PPP2R5E: variants seen among roughly 807,000 people sequenced by gnomAD.
PPP2R5E encodes the protein serine/threonine-protein phosphatase 2A 56 kDa regulatory subunit epsilon isoform.
PPP2R5E carries 4 observed loss-of-function variants against 65.3 expected under a neutral mutation model. That is an observed-to-expected ratio of 0.06 (90% CI 0.03 to 0.14). The LOEUF is 0.14. PPP2R5E is among the 10% of genes least tolerant of loss of function. PPP2R5E has a pLI of 1.00. For synonymous variants in PPP2R5E, 183 were observed against 187.4 expected (o/e 0.98, Z 0.19); for missense variants, 274 against 556.1 (o/e 0.49, Z 5.10).
intron 2 of PPP2R5E, among the ~76,000 whole-genome samples, chr14:63,510,247 A>T (rs1594955731): frequency 6.6e-6 from 1 of 152,284 alleles, no homozygotes; most frequent in Admixed American, 6.5e-5. Context: ...CACAGACCTC[A>T]CCTCACTTCT....
At chr14:63,376,818 A>G (rs1299185561) in intron 13 of PPP2R5E, among the ~76,000 whole-genome samples, 1 of 152,220 alleles carries the variant, frequency 6.6e-6, no homozygotes, top group Non-Finnish European at 1.5e-5. Flanking sequence ...CACATTTACT[A>G]AAAATAATTC....
chr14:63,454,028 G>A (rs1304227699), intron 2 of PPP2R5E, 143 bp from the exon 3 acceptor site: 5 of 580,200 alleles, frequency 8.6e-6, no homozygotes, highest in African/African-American at 3.8e-5. Flanking sequence ...TTACACATGG[G>A]TGGGAGGGGA....
chr14:63,464,080 G>T (rs1005442872), intron 2 of PPP2R5E, among the ~76,000 whole-genome samples: 10 of 152,052 alleles, frequency 6.6e-5, no homozygotes, highest in African/African-American at 2.4e-4. Context: ...AAGGTCTAGT[G>T]CAAAGGGAAT....
At chr14:63,477,178 GA>G (rs1890452097) in intron 2 of PPP2R5E, among the ~76,000 whole-genome samples, 1 of 152,016 alleles carries the variant, frequency 6.6e-6, no homozygotes, top group East Asian at 1.9e-4. Flanking sequence ...AAAAAATTAA[GA>G]CAGCATATAA....
At chr14:63,485,399 G>GC (rs1180687929) in intron 2 of PPP2R5E, among the ~76,000 whole-genome samples, 2 of 151,502 alleles carry the variant, frequency 1.3e-5, no homozygotes, top group Admixed American at 1.3e-4. Flanking sequence ...GCCATGGTTT[G>GC]TTTTTTTTGT....
chr14:63,443,003 C>T (rs756500377), intron 3 of PPP2R5E, among the ~76,000 whole-genome samples: 18 of 152,216 alleles, frequency 1.2e-4, no homozygotes, highest in Middle Eastern at 3.4e-3. Context: ...GAGTACATGT[C>T]GGCAGACTCT....
At chr14:63,460,947 GAC>G (rs373882504) in intron 2 of PPP2R5E, among the ~76,000 whole-genome samples, 4 of 152,230 alleles carry the variant, frequency 2.6e-5, no homozygotes, top group African/African-American at 7.2e-5. Context: ...AGTGATAAAT[GAC>G]ACAGTGTTTC....
chr14:63,526,504 GTC>G (rs1893189999), intron 2 of PPP2R5E, among the ~76,000 whole-genome samples: 1 of 151,938 alleles, frequency 6.6e-6, no homozygotes, highest in Non-Finnish European at 1.5e-5. Flanking sequence ...CTCTCTTTCT[GTC>G]TCTCTGTCTC....
chr14:63,421,052 CAAAAAAAAAAAAAAAAA>C (rs56297942), intron 4 of PPP2R5E, among the ~76,000 whole-genome samples: 52 of 10,292 alleles, frequency 5.1e-3, no homozygotes, highest in South Asian at 0.038. Flanking sequence ...GACTCCGTCT[CAAAAAAAAAAAAAAAAA>C]AAAAAAAAAA....
intron 8 of PPP2R5E, among the ~76,000 whole-genome samples, chr14:63,392,796 G>A (rs1051530389): frequency 2.0e-5 from 3 of 152,200 alleles, no homozygotes; most frequent in African/African-American, 7.2e-5. Context: ...AATGTGTCAC[G>A]TTTTTATGCA....
intron 1 of PPP2R5E, among the ~76,000 whole-genome samples, chr14:63,540,345 C>G (rs548663430): frequency 6.7e-6 from 1 of 149,948 alleles, no homozygotes; most frequent in Non-Finnish European, 1.5e-5. Context: ...AAGGGAGAAC[C>G]GCTTGAACCT....
Position 63,374,117 on chromosome 14 carries a change from G to C in PPP2R5E, c.*1892C>G, listed in dbSNP as rs536755514. On this transcript the variant is annotated 3_prime_UTR_variant, in exon 14 of 14. Coordinates refer to ENST00000337537, the MANE Select transcript of PPP2R5E (RefSeq NM_006246.5). ...TTTCTTTTTGGAATTAACAATGCCA[G>C]TTTTGTTTGTTTTTTTACAAAGTTA... 1.4e-5 allele frequency: 2 copies of C among 138,922 alleles called. No individual in the cohort carries two copies. The highest frequency in any genetic ancestry group is 4.6e-4 in the South Asian group (2 of 4,314). The allele number at this position is 138,922 out of a possible 1,614,324, so 8.6% of individuals were successfully genotyped here.
At chr14:63,430,369 A>ACATACATG (rs1887581648) in intron 3 of PPP2R5E, among the ~76,000 whole-genome samples, 2 of 135,038 alleles carry the variant, frequency 1.5e-5, no homozygotes, top group Admixed American at 7.3e-5. Flanking sequence ...ATACATACAT[A>ACATACATG]CATGCATGCA....
At chr14:63,457,152 C>T (rs1239238911) in intron 2 of PPP2R5E, among the ~76,000 whole-genome samples, 1 of 152,176 alleles carries the variant, frequency 6.6e-6, no homozygotes, top group Non-Finnish European at 1.5e-5. Flanking sequence ...CCAATCTCCT[C>T]TCTCATCTAC....
At chr14:63,485,411 CG>C (rs1890934976) in intron 2 of PPP2R5E, among the ~76,000 whole-genome samples, 1 of 151,666 alleles carries the variant, frequency 6.6e-6, no homozygotes, top group African/African-American at 2.4e-5. Context: ...TTTTTTTGTT[CG>C]TTTTTTGGGG....
intron 2 of PPP2R5E, among the ~76,000 whole-genome samples, chr14:63,536,597 A>G (rs552492216): frequency 3.9e-5 from 6 of 152,346 alleles, no homozygotes; most frequent in African/African-American, 1.4e-4. Context: ...ATTATTCACA[A>G]TAGCCTGAAG....
intron 3 of PPP2R5E, among the ~76,000 whole-genome samples, chr14:63,430,389 A>ACATACATAGATG (rs1887595917): frequency 1.4e-5 from 2 of 142,492 alleles, no homozygotes; most frequent in Admixed American, 7.0e-5. Context: ...ATACATACAT[A>ACATACATAGATG]CATACATACA....
intron 2 of PPP2R5E, among the ~76,000 whole-genome samples, chr14:63,503,093 C>G (rs1366556039): frequency 6.6e-6 from 1 of 152,024 alleles, no homozygotes; most frequent in Non-Finnish European, 1.5e-5. Flanking sequence ...GTCCAATGAG[C>G]AATACAGACC....
At chr14:63,506,151 C>T (rs1892162622) in intron 2 of PPP2R5E, among the ~76,000 whole-genome samples, 1 of 151,972 alleles carries the variant, frequency 6.6e-6, no homozygotes, top group East Asian at 1.9e-4. Context: ...AATTCTTCAC[C>T]TTAATAACAA....
Sources: gnomAD v4.1 joint callset for allele counts (sites outside exome capture counted in the v4.1 genomes callset) on GRCh38, gnomAD v4.1.1 for gene constraint, MANE v1.5 for transcripts, NCBI Gene and HGNC (gene_info 2026-07-23, HGNC 2026-07-21) for gene names.